OCA2: variants seen among roughly 807,000 people sequenced by gnomAD.
OCA2 encodes the protein OCA2 melanosomal transmembrane protein, also known as P protein.
In OCA2, 77 loss-of-function variants were observed where a neutral mutation model predicts 100.2. That is an observed-to-expected ratio of 0.77 (90% CI 0.64 to 0.93). The LOEUF (loss-of-function observed/expected upper bound fraction) is 0.93. OCA2 is among the 40% of genes least tolerant of loss of function. The pLI is 0.00. For synonymous variants in OCA2, 432 were observed against 439.2 expected, an observed-to-expected ratio of 0.98 and a Z score of 0.21; for missense variants, 1,062 against 1,089.1, an observed-to-expected ratio of 0.98 and a Z score of 0.35.
chr15:27,983,432 C>T lies in OCA2; in HGVS notation c.1416G>A (p.Val472=), dbSNP rs1396571572. The stretch of plus-strand genomic sequence containing the variant: ...CAGCTCCTCCAATGTTTGTGAAGAT[C>T]ACTTCTGCAATCAGGACTTGTCTTG... ...LDPRQVLIAE[V]IFTNIGGAAT... The change falls in exon 14 of 24, where the codon GTG becomes GTA. Residue 472 remains valine, a synonymous_variant. Transcript: ENST00000354638. 1 of 1,614,048 alleles carries T rather than the reference C, an allele frequency of 6.2e-7. No homozygotes were observed. The highest frequency in any genetic ancestry group is 1.7e-5 in the Admixed American group (1 of 60,006).
chr15:28,034,795 A>G (rs56075969), intron 2 of OCA2, among the ~76,000 whole-genome samples: 47,278 of 148,338 alleles, frequency 0.32, 9,012 homozygotes, highest in East Asian at 0.89. Context: ...ATACATACAT[A>G]CACACTTAAT....
intron 9 of OCA2, among the ~76,000 whole-genome samples, chr15:28,003,449 G>A (rs900963431): frequency 2.6e-5 from 4 of 152,138 alleles, no homozygotes; most frequent in East Asian, 1.9e-4. Context: ...ACGCCCGTCC[G>A]TGCCCCACGC....
chr15:27,757,433 G>A (rs896311792), intron 23 of OCA2, among the ~76,000 whole-genome samples: 4 of 152,154 alleles, frequency 2.6e-5, no homozygotes, highest in Admixed American at 6.5e-5. Flanking sequence ...TTATATAGAT[G>A]AAGCAACTGA....
At chr15:27,764,574 G>A (rs1443320935) in intron 23 of OCA2, among the ~76,000 whole-genome samples, 2 of 152,140 alleles carry the variant, frequency 1.3e-5, no homozygotes, top group Non-Finnish European at 2.9e-5. Context: ...CACTGGGACT[G>A]GGACTCAGCC....
At chr15:27,877,334 T>G (rs2036831765) in intron 19 of OCA2, among the ~76,000 whole-genome samples, 1 of 151,988 alleles carries the variant, frequency 6.6e-6, no homozygotes, top group African/African-American at 2.4e-5. Context: ...AAATGTCAAT[T>G]GAATCAACGT....
intron 21 of OCA2, among the ~76,000 whole-genome samples, chr15:27,861,250 C>T (rs899839350): frequency 4.6e-5 from 7 of 151,996 alleles, no homozygotes; most frequent in South Asian, 2.1e-4. Context: ...ACTGAGAGAA[C>T]GGAGTCACGA....
intron 19 of OCA2, among the ~76,000 whole-genome samples, chr15:27,882,155 G>A (rs2037045507): frequency 6.6e-6 from 1 of 152,174 alleles, no homozygotes; most frequent in African/African-American, 2.4e-5. Flanking sequence ...CAATTTCCAT[G>A]TAGTTGTGTG....
rs1461349033 is a variant in OCA2 at position 27,998,461 on chromosome 15, C to T, written c.1045-7814G>A. Among the ~76,000 whole-genome samples the T allele has an allele frequency of 2.9e-3, 408 of 142,358 alleles. 2 individuals are homozygous for T. The highest frequency in any genetic ancestry group is 5.5e-3 in the Non-Finnish European group (351 of 63,360). 93.4% of individuals were successfully genotyped at this position (142,358 alleles called of 152,430 possible). On this transcript the variant is annotated intron_variant, in intron 9 of 23. Coordinates refer to ENST00000354638, the MANE Select transcript of OCA2 (RefSeq NM_000275.3). ...ACACATGAAAAAATGCTCATCATCA[C>T]TGGCCATCAGAGAAATGCAAATCAA...
Position 27,926,146 on chromosome 15 carries a change from G to T in OCA2, c.2060C>A (p.Ala687Glu), listed in dbSNP as rs773980859. Reference sequence around the variant, plus strand: ...TCTTACCTCCATCAGAACAAAGAGCGCTGCAAAAAACAGAAGGGTTGCCCA... The same window carrying T: ...TCTTACCTCCATCAGAACAAAGAGCTCTGCAAAAAACAGAAGGGTTGCCCA... ...VEWATLLFFA[A>E]LFVLMEALAH... is the part of the protein sequence containing the mutation. Residue 687 changes from alanine to glutamate, a missense_variant, in exon 19 of 24, where the codon GCG (alanine) becomes GAG (glutamate). Coordinates refer to ENST00000354638, the MANE Select transcript of OCA2 (RefSeq NM_000275.3). 1.9e-6 allele frequency: 3 copies of T among 1,614,020 alleles called. No homozygotes were observed. Among genetic ancestry groups the T allele is most frequent in the Non-Finnish European group, 2.5e-6 (3 of 1,179,956 alleles).
chr15:27,795,916 A>C (rs2033310149), intron 23 of OCA2, among the ~76,000 whole-genome samples: 1 of 152,238 alleles, frequency 6.6e-6, no homozygotes, highest in Non-Finnish European at 1.5e-5. Flanking sequence ...TAAATTTATA[A>C]CTTAGCAGAA....
intron 23 of OCA2, among the ~76,000 whole-genome samples, chr15:27,771,225 A>AC (rs2031822292): frequency 6.8e-6 from 1 of 146,572 alleles, no homozygotes; most frequent in Admixed American, 6.8e-5. Context: ...GCCCATAAAC[A>AC]CCCCCAGGTC....
the OCA2 span, among the ~76,000 whole-genome samples, chr15:27,743,247 A>G: frequency 2.0e-5 from 3 of 152,168 alleles, no homozygotes; most frequent in Non-Finnish European, 4.4e-5. Context: ...AATGGCACGC[A>G]TCCCAGTCTG....
intron 22 of OCA2, among the ~76,000 whole-genome samples, chr15:27,848,800 C>T (rs72710551): frequency 0.04 from 6,088 of 152,302 alleles, 138 homozygotes; most frequent in South Asian, 0.061. Context: ...TTCCCTTTGT[C>T]GAGTTGAAGA....
intron 18 of OCA2, among the ~76,000 whole-genome samples, chr15:27,932,567 T>C (rs935401449): frequency 6.6e-6 from 1 of 152,164 alleles, no homozygotes; most frequent in African/African-American, 2.4e-5. Context: ...GACTGGAGAA[T>C]TCCCAAAACT....
chr15:27,892,164 C>T (rs2594890), intron 19 of OCA2, among the ~76,000 whole-genome samples: 119,780 of 152,098 alleles, frequency 0.79, 48,257 homozygotes, highest in East Asian at 1. Context: ...AAATGCTACA[C>T]AGAAAATAAT....
At chr15:27,936,867 G>C (rs1163335233) in intron 18 of OCA2, among the ~76,000 whole-genome samples, 1 of 152,190 alleles carries the variant, frequency 6.6e-6, no homozygotes, top group African/African-American at 2.4e-5. Flanking sequence ...CTTAGGAAAT[G>C]CCTCAATTAC....
chr15:27,905,866 T>G (rs1170032093), intron 19 of OCA2, among the ~76,000 whole-genome samples: 2 of 152,162 alleles, frequency 1.3e-5, no homozygotes, highest in Non-Finnish European at 2.9e-5. Flanking sequence ...CCATGAAGCA[T>G]GTAGAAGAAA....
chr15:27,967,609 G>A (rs2040615371), intron 14 of OCA2, among the ~76,000 whole-genome samples: 1 of 152,252 alleles, frequency 6.6e-6, no homozygotes, highest in South Asian at 2.1e-4. Flanking sequence ...CTCGTGGCTG[G>A]AGAGCACAGC....
intron 23 of OCA2, among the ~76,000 whole-genome samples, chr15:27,833,778 G>A (rs2035047841): frequency 6.6e-6 from 1 of 152,136 alleles, no homozygotes; most frequent in African/African-American, 2.4e-5. Context: ...TATAGTCTAA[G>A]CGTATAAAGA....
Sources: gnomAD v4.1 joint callset for allele counts (sites outside exome capture counted in the v4.1 genomes callset) on GRCh38, gnomAD v4.1.1 for gene constraint, MANE v1.5 for transcripts, NCBI Gene and HGNC (gene_info 2026-07-23, HGNC 2026-07-21) for gene names.